The following RASAL2 variants were observed in gnomAD, a reference collection of about 807,000 sequenced individuals.
RASAL2 encodes ras GTPase-activating protein nGAP.
Under a neutral mutation model 128.9 loss-of-function variants are expected in RASAL2, and 58 were observed. The ratio of observed to expected loss-of-function variants is 0.45; its 90% CI spans 0.36 to 0.56. The LOEUF (loss-of-function observed/expected upper bound fraction) is 0.56. Ranked by LOEUF, RASAL2 falls within the 20% of genes least tolerant of loss-of-function variation. The pLI, the probability that RASAL2 is intolerant of heterozygous loss-of-function variation, is 0.00. For synonymous variants in RASAL2, 561 were observed against 580.8 expected (o/e 0.97, Z 0.49); for missense variants, 1,360 against 1,601.6 (o/e 0.85, Z 2.57).
intron 1 of RASAL2, among the ~76,000 whole-genome samples, chr1:178,172,527 T>C (rs1661737954): frequency 6.6e-6 from 1 of 152,072 alleles, no homozygotes. Flanking sequence ...TTGTAGCAAA[T>C]ATTTTGTGAT....
chr1:178,162,561 CT>C (rs1396671683), intron 1 of RASAL2, among the ~76,000 whole-genome samples: 12 of 114,702 alleles, frequency 1.0e-4, no homozygotes, highest in Non-Finnish European at 1.8e-4. Context: ...TATAATATAT[CT>C]TTATATAAAA....
chr1:178,135,860 C>T (rs1361915054), intron 1 of RASAL2, among the ~76,000 whole-genome samples: 1 of 152,078 alleles, frequency 6.6e-6, no homozygotes, highest in African/African-American at 2.4e-5. Flanking sequence ...CTGATAAAAC[C>T]ATCAGGTCTC....
intron 1 of RASAL2, among the ~76,000 whole-genome samples, chr1:178,151,901 A>G (rs1660926764): frequency 6.6e-6 from 1 of 152,212 alleles, no homozygotes. Context: ...CTGGAGAGGA[A>G]CTTAACATCC....
chr1:178,105,432 T>C (rs575699332), intron 1 of RASAL2, among the ~76,000 whole-genome samples: 68 of 152,368 alleles, frequency 4.5e-4, no homozygotes, highest in African/African-American at 1.6e-3. Flanking sequence ...TTTTTAACTT[T>C]TAACAATGAC....
intron 1 of RASAL2, among the ~76,000 whole-genome samples, chr1:178,209,914 T>C (rs1340222259): frequency 6.6e-6 from 1 of 152,040 alleles, no homozygotes; most frequent in African/African-American, 2.4e-5. Flanking sequence ...TTGAATTCTT[T>C]GGGCTTCTTG....
intron 3 of RASAL2, among the ~76,000 whole-genome samples, chr1:178,302,017 T>C (rs555542765): frequency 2.6e-5 from 4 of 152,258 alleles, no homozygotes; most frequent in African/African-American, 9.6e-5. Context: ...CATGAGCAAA[T>C]GTCCTAAATT....
At chr1:178,364,363 C>G (rs751871234) in intron 3 of RASAL2, among the ~76,000 whole-genome samples, 40 of 152,270 alleles carry the variant, frequency 2.6e-4, no homozygotes, top group Admixed American at 7.2e-4. Context: ...TTCACCCAAC[C>G]TCCAATACTG....
rs59978357 is a variant in RASAL2 at position 178,259,122 on chromosome 1, C to CTTT, written c.203-24418_203-24416dup. Reference sequence around the variant, plus strand: ...GGATGTGTAAAGGGCAATGAAACTTCTTTTTTTTTTTTTTTTTTTTTTTTT... The same window carrying CTTT: ...GGATGTGTAAAGGGCAATGAAACTTCTTTTTTTTTTTTTTTTTTTTTTTTTTTT... On this transcript the variant is annotated intron_variant, in intron 1 of 17. Transcript: ENST00000367649. 6.8e-4 allele frequency among the ~76,000 whole-genome samples: 48 copies of CTTT among 70,550 alleles called. 2 individuals are homozygous for CTTT. The highest frequency in any genetic ancestry group is 1.9e-3 in the African/African-American group (35 of 18,214). 46.3% of individuals were successfully genotyped at this position (70,550 alleles called of 152,430 possible).
At chr1:178,261,744 G>A (rs1012205604) in intron 1 of RASAL2, among the ~76,000 whole-genome samples, 3 of 150,746 alleles carry the variant, frequency 2.0e-5, no homozygotes, top group Non-Finnish European at 3.0e-5. Flanking sequence ...GTGAAACCCC[G>A]TCTCTACTAA....
intron 1 of RASAL2, among the ~76,000 whole-genome samples, chr1:178,217,826 G>A (rs1663475246): frequency 6.6e-6 from 1 of 152,158 alleles, no homozygotes. Flanking sequence ...AGACGACAAT[G>A]AAGTTGCCCC....
intron 3 of RASAL2, among the ~76,000 whole-genome samples, chr1:178,359,993 G>A (rs1671022964): frequency 6.6e-6 from 1 of 152,154 alleles, no homozygotes. Flanking sequence ...GGTGTAAGGG[G>A]TGAAGAGTGG....
intron 3 of RASAL2, among the ~76,000 whole-genome samples, chr1:178,310,679 T>G (rs1326639470): frequency 2.0e-5 from 3 of 152,184 alleles, no homozygotes; most frequent in East Asian, 3.9e-4. Context: ...TTTGTTCTTT[T>G]ATCTTCCATA....
chr1:178,457,373 T>C (rs1265164410), intron 13 of RASAL2, among the ~76,000 whole-genome samples: 2 of 152,206 alleles, frequency 1.3e-5, no homozygotes, highest in African/African-American at 4.8e-5. Flanking sequence ...TTTAGACAAG[T>C]AAGTATGAAT....
chr1:178,289,317 T>G (rs879819189), intron 2 of RASAL2, among the ~76,000 whole-genome samples: 1 of 152,232 alleles, frequency 6.6e-6, no homozygotes, highest in African/African-American at 2.4e-5. Flanking sequence ...GGAAGTTTCT[T>G]TTGAGTCATC....
At chr1:178,227,209 A>G (rs1368285632) in intron 1 of RASAL2, among the ~76,000 whole-genome samples, 6 of 151,594 alleles carry the variant, frequency 4.0e-5, no homozygotes, top group African/African-American at 1.2e-4. Context: ...AAAAAAAAAC[A>G]CCCTATTTAT....
intron 3 of RASAL2, among the ~76,000 whole-genome samples, chr1:178,333,171 G>A (rs1669420291): frequency 1.3e-5 from 2 of 152,122 alleles, no homozygotes; most frequent in African/African-American, 4.8e-5. Context: ...TGGGACTACA[G>A]GCGCCCGCCA....
chr1:178,190,025 G>A (rs1270556914), intron 1 of RASAL2, among the ~76,000 whole-genome samples: 3 of 148,488 alleles, frequency 2.0e-5, no homozygotes. Flanking sequence ...CATCTAGTGG[G>A]TGGATGCCAG....
chr1:178,274,763 C>T (rs1666415383), intron 1 of RASAL2, among the ~76,000 whole-genome samples: 1 of 151,916 alleles, frequency 6.6e-6, no homozygotes, highest in South Asian at 2.1e-4. Flanking sequence ...GATTTTTGTA[C>T]TCTTTTTGTA....
chr1:178,094,235 G>A lies in RASAL2; in HGVS notation c.-258G>A, dbSNP rs1043413086. On this transcript the variant is annotated 5_prime_UTR_variant, in exon 1 of 18. Transcript: ENST00000367649. ...GAGGGACCCACACACACCTGAGCCC[G>A]GACCCACCCTTGGTCGGGGCCACGC... The A allele has an allele frequency of 5.3e-5, 27 of 509,782 alleles. No homozygotes were observed. The highest frequency in any genetic ancestry group is 8.6e-5 in the Non-Finnish European group (25 of 292,012). 31.6% of individuals were successfully genotyped at this position (509,782 alleles called of 1,614,324 possible).
Sources: gnomAD v4.1 joint callset for allele counts (sites outside exome capture counted in the v4.1 genomes callset) on GRCh38, gnomAD v4.1.1 for gene constraint, MANE v1.5 for transcripts, NCBI Gene and HGNC (gene_info 2026-07-23, HGNC 2026-07-21) for gene names.